The following DSCAM variants were observed in gnomAD, a reference collection of about 807,000 sequenced individuals.
DSCAM encodes the protein cell adhesion molecule DSCAM.
DSCAM carries 47 observed loss-of-function variants against 217.7 expected under a neutral mutation model. The observed-to-expected ratio is 0.22, with a 90% CI of 0.17 to 0.28. The LOEUF (loss-of-function observed/expected upper bound fraction) is 0.28. Among genes scored for constraint, DSCAM ranks in the 10% least tolerant of loss-of-function variants. The pLI, the probability that DSCAM is intolerant of heterozygous loss-of-function variation, is 1.00. For synonymous variants in DSCAM, 1,056 were observed against 1,015.3 expected (o/e 1.04, Z -0.76); for missense variants, 2,080 against 2,618.3 (o/e 0.79, Z 4.49).
At chr21:40,241,445 T>A (rs147565319) in intron 11 of DSCAM, among the ~76,000 whole-genome samples, 6 of 152,256 alleles carry the variant, frequency 3.9e-5, no homozygotes, top group Non-Finnish European at 5.9e-5. Flanking sequence ...ATATACCATC[T>A]CATACCAGTC....
chr21:40,143,728 T>G (rs2090320571), intron 17 of DSCAM, among the ~76,000 whole-genome samples: 1 of 152,114 alleles, frequency 6.6e-6, no homozygotes, highest in African/African-American at 2.4e-5. Context: ...GAGGCGGAGC[T>G]TGCAGCGAGC....
intron 3 of DSCAM, among the ~76,000 whole-genome samples, chr21:40,629,103 G>GTC (rs2089652315): frequency 7.7e-6 from 1 of 129,102 alleles, no homozygotes; most frequent in Non-Finnish European, 1.7e-5. Context: ...GTGTGTGTGT[G>GTC]TGTGTGTGTG....
intron 20 of DSCAM, among the ~76,000 whole-genome samples, chr21:40,104,700 T>G (rs1417741138): frequency 6.6e-6 from 1 of 152,118 alleles, no homozygotes; most frequent in Non-Finnish European, 1.5e-5. Context: ...CTATGAACAC[T>G]GGCTAATAAT....
rs116895862 is a variant in DSCAM, at chr21:40,192,588, G to A, written c.2357-3350C>T. Among the ~76,000 whole-genome samples, 638 of 152,150 alleles carry A rather than the reference G, an allele frequency of 4.2e-3. 8 individuals carry two copies. The highest frequency in any genetic ancestry group is 0.035 in the East Asian group (180 of 5,176). Reference sequence around the variant, plus strand: ...TTCCTTTATAAATTACCCAGTCTCTGGTATGTCTTTAAAAGAACAGACTAA... The same window carrying A: ...TTCCTTTATAAATTACCCAGTCTCTAGTATGTCTTTAAAAGAACAGACTAA... On this transcript the variant is annotated intron_variant, in intron 11 of 32. Transcript: ENST00000400454.
At chr21:40,204,142 T>G (rs796631498) in intron 11 of DSCAM, among the ~76,000 whole-genome samples, 26 of 152,324 alleles carry the variant, frequency 1.7e-4, no homozygotes, top group African/African-American at 6.0e-4. Context: ...GGGTTCCCAG[T>G]GGTGTTTTCA....
chr21:40,287,848 G>C (rs530258676), intron 10 of DSCAM, among the ~76,000 whole-genome samples: 1 of 152,254 alleles, frequency 6.6e-6, no homozygotes, highest in East Asian at 1.9e-4. Context: ...GGAGAAGGAG[G>C]AGCTAAAGCA....
At chr21:40,471,574 T>C (rs1384106878) in intron 3 of DSCAM, among the ~76,000 whole-genome samples, 1 of 152,166 alleles carries the variant, frequency 6.6e-6, no homozygotes, top group Non-Finnish European at 1.5e-5. Flanking sequence ...GATTTTTTTC[T>C]TATTTTATTG....
intron 11 of DSCAM, among the ~76,000 whole-genome samples, chr21:40,250,828 G>A (rs533677563): frequency 6.6e-6 from 1 of 152,320 alleles, no homozygotes; most frequent in African/African-American, 2.4e-5. Context: ...GGGCTACCTT[G>A]GCAAGTTCAA....
intron 11 of DSCAM, among the ~76,000 whole-genome samples, chr21:40,249,793 G>A (rs1205439296): frequency 6.6e-6 from 1 of 152,106 alleles, no homozygotes; most frequent in African/African-American, 2.4e-5. Flanking sequence ...AAATGCAGGG[G>A]TTCCTTGCAG....
chr21:40,330,226 T>C (rs1243011781), intron 8 of DSCAM, among the ~76,000 whole-genome samples: 1 of 148,842 alleles, frequency 6.7e-6, no homozygotes, highest in African/African-American at 2.4e-5. Context: ...TAATGTAATA[T>C]ATGCAATACA....
chr21:40,369,081 G>T lies in DSCAM; in HGVS notation c.655+18C>A, dbSNP rs372175903. On this transcript the variant is annotated intron_variant, in intron 4 of 32. Coordinates refer to ENST00000400454, the MANE Select transcript of DSCAM (RefSeq NM_001389.5). The stretch of plus-strand genomic sequence containing the variant: ...AGAAATAGCAGACATAGCAGACAGA[G>T]TCTTGATAAGTTTTTACCTGATACA... The T allele has an allele frequency of 6.3e-7, 1 of 1,595,010 alleles. No individual in the cohort carries two copies. Among genetic ancestry groups the T allele is most frequent in the African/African-American group, 1.3e-5 (1 of 74,492 alleles).
At chr21:40,687,775 C>T (rs898593710) in intron 3 of DSCAM, among the ~76,000 whole-genome samples, 1 of 152,206 alleles carries the variant, frequency 6.6e-6, no homozygotes, top group African/African-American at 2.4e-5. Flanking sequence ...AGGCCCTAAG[C>T]GCCTACTGCA....
At chr21:40,406,182 C>A (rs1049149348) in intron 3 of DSCAM, among the ~76,000 whole-genome samples, 2 of 152,082 alleles carry the variant, frequency 1.3e-5, no homozygotes, top group Non-Finnish European at 2.9e-5. Context: ...GAAAAGGGAA[C>A]CCCTATGAAC....
At chr21:40,150,047 G>T (rs1354687625) in intron 16 of DSCAM, among the ~76,000 whole-genome samples, 1 of 152,104 alleles carries the variant, frequency 6.6e-6, no homozygotes, top group African/African-American at 2.4e-5. Flanking sequence ...ATTGAACACT[G>T]TTTTTTCCCA....
chr21:40,545,061 A>G (rs1400374588), intron 3 of DSCAM, among the ~76,000 whole-genome samples: 1 of 152,194 alleles, frequency 6.6e-6, no homozygotes, highest in African/African-American at 2.4e-5. Flanking sequence ...TGATTAGGTC[A>G]TGAGGATGAA....
chr21:40,322,691 A>C (rs557124699), intron 8 of DSCAM, among the ~76,000 whole-genome samples: 1 of 152,018 alleles, frequency 6.6e-6, no homozygotes, highest in South Asian at 2.1e-4. Flanking sequence ...CACCTGGCTA[A>C]TTTTTGTATT....
At chr21:40,536,500 C>G (rs2146121900) in intron 3 of DSCAM, among the ~76,000 whole-genome samples, 1 of 149,470 alleles carries the variant, frequency 6.7e-6, no homozygotes, top group South Asian at 2.2e-4. Context: ...CTCCCGGGTT[C>G]ACGCCATTCT....
intron 9 of DSCAM, among the ~76,000 whole-genome samples, chr21:40,301,084 G>A (rs1311800009): frequency 6.6e-6 from 1 of 152,066 alleles, no homozygotes; most frequent in Admixed American, 6.5e-5. Context: ...AGCCAATTCT[G>A]TGCCTCACAC....
chr21:40,838,254 C>T (rs1440251505), intron 1 of DSCAM, among the ~76,000 whole-genome samples: 19 of 152,218 alleles, frequency 1.2e-4, no homozygotes, highest in Admixed American at 1.2e-3. Flanking sequence ...AGAATCAATG[C>T]TTTACTCAAT....
Sources: gnomAD v4.1 joint callset for allele counts (sites outside exome capture counted in the v4.1 genomes callset) on GRCh38, gnomAD v4.1.1 for gene constraint, MANE v1.5 for transcripts, NCBI Gene and HGNC (gene_info 2026-07-23, HGNC 2026-07-21) for gene names.